The following RCL1 variants were observed in gnomAD, a reference collection of about 807,000 sequenced individuals.
RCL1 encodes RNA terminal phosphate cyclase like 1.
In RCL1, 24 loss-of-function variants were observed where a neutral mutation model predicts 42.4. The observed-to-expected ratio is 0.57, with a 90% CI of 0.41 to 0.80. RCL1 has a LOEUF of 0.80. Among genes scored for constraint, RCL1 ranks in the 30% least tolerant of loss-of-function variants. The pLI is 0.00. For synonymous variants in RCL1, 228 were observed against 177.3 expected (o/e 1.29, Z -2.27); for missense variants, 578 against 467.9 (o/e 1.24, Z -2.17).
intron 3 of RCL1, among the ~76,000 whole-genome samples, chr9:4,828,545 TG>T (rs1405861372): frequency 1.0e-4 from 7 of 68,278 alleles, no homozygotes; most frequent in East Asian, 4.0e-3. Flanking sequence ...TTTAATTAAG[TG>T]TTTTTTTTTT....
In RCL1 at chr9:4,823,893, A is replaced by G. The variant is rs546256727; in HGVS notation, c.208+274A>G. 5.0e-5 allele frequency among the ~76,000 whole-genome samples: 7 copies of G among 141,020 alleles called. No homozygotes were observed. The South Asian group carries it at 1.6e-3, about 32-fold the overall frequency. The allele number at this position is 141,020 out of a possible 152,430, so 92.5% of individuals were successfully genotyped here. A position where few individuals can be genotyped will look rare whatever the true frequency, so the allele number is the denominator to read the frequency against. ...TGTGAGTGTAGATCATAATAAAAGCATATCATTCTAGATCATTTTAAAAAA... is the reference window on the plus strand; with the variant it reads ...TGTGAGTGTAGATCATAATAAAAGCGTATCATTCTAGATCATTTTAAAAAA... On this transcript the variant is annotated intron_variant, in intron 2 of 8. Coordinates refer to ENST00000381750, the MANE Select transcript of RCL1 (RefSeq NM_005772.5).
chr9:4,813,095 A>C (rs972430810), intron 1 of RCL1, among the ~76,000 whole-genome samples: 1 of 152,084 alleles, frequency 6.6e-6, no homozygotes, highest in Non-Finnish European at 1.5e-5. Context: ...CTAGGATAGG[A>C]CTTCCAGTAC....
In RCL1 at chr9:4,849,464, G is replaced by T. The variant is rs113347415; in HGVS notation, c.885G>T (p.Ser295=). The change falls in exon 8 of 9, where the codon TCG becomes TCT. Residue 295 remains serine, a synonymous_variant. Coordinates refer to ENST00000381750, the MANE Select transcript of RCL1 (RefSeq NM_005772.5). ...EEIYRGGCVD[S]TNQSLALLLM... is the part of the protein sequence containing the mutation. Reference sequence around the variant, plus strand: ...GTTTACAGGGTGGATGCGTAGACTCGACCAACCAAAGCCTGGCGCTACTAC... The same window carrying T: ...GTTTACAGGGTGGATGCGTAGACTCTACCAACCAAAGCCTGGCGCTACTAC... 1.9e-5 allele frequency: 30 copies of T among 1,613,582 alleles called. No homozygotes were observed. The highest frequency in any genetic ancestry group is 2.3e-5 in the Non-Finnish European group (27 of 1,179,850).
chr9:4,850,838 GC>G (rs1230594788), intron 8 of RCL1, among the ~76,000 whole-genome samples: 3 of 152,036 alleles, frequency 2.0e-5, no homozygotes, highest in Non-Finnish European at 4.4e-5. Flanking sequence ...GGCCACTGTG[GC>G]CCCACCGGCT....
At chr9:4,858,997 G>A (rs4742051) in intron 8 of RCL1, among the ~76,000 whole-genome samples, 81,006 of 151,990 alleles carry the variant, frequency 0.53, 22,248 homozygotes, top group East Asian at 0.76. Flanking sequence ...TGTGTGGACT[G>A]TGATTCTGGG....
intron 1 of RCL1, among the ~76,000 whole-genome samples, chr9:4,821,433 G>T (rs569795181): frequency 6.6e-6 from 1 of 152,122 alleles, no homozygotes; most frequent in Non-Finnish European, 1.5e-5. Context: ...TTGTAAAATG[G>T]CATCTTAATC....
In RCL1 at chr9:4,850,915, A is replaced by G. The variant is rs564589603; in HGVS notation, c.971+1365A>G. On this transcript the variant is annotated intron_variant, in intron 8 of 8. Transcript: ENST00000381750. ...TCAGGCCTGGGGAAGTCCTGCTTGC[A>G]CACACGGTATGAGGTATGGGGTGTT... Among the ~76,000 whole-genome samples, 4 of 152,204 alleles carry G rather than the reference A, an allele frequency of 2.6e-5. No individual in the cohort carries two copies. The East Asian group carries it at 7.7e-4, about 29-fold the overall frequency.
chr9:4,821,432 G>T (rs1352722566), intron 1 of RCL1, among the ~76,000 whole-genome samples: 1 of 152,116 alleles, frequency 6.6e-6, no homozygotes, highest in Non-Finnish European at 1.5e-5. Flanking sequence ...TTTGTAAAAT[G>T]GCATCTTAAT....
At chr9:4,846,955 G>A (rs2129692811) in intron 7 of RCL1, among the ~76,000 whole-genome samples, 1 of 149,148 alleles carries the variant, frequency 6.7e-6, no homozygotes, top group Non-Finnish European at 1.5e-5. Context: ...ACGTGATCTT[G>A]GCTCACTGCA....
At chr9:4,834,090 A>G in intron 4 of RCL1, 51 bp from the exon 5 acceptor site, 5 of 1,588,736 alleles carry the variant, frequency 3.1e-6, no homozygotes, top group Non-Finnish European at 4.3e-6. Context: ...GTGTCAGGGT[A>G]ATCCATTGCT....
intron 8 of RCL1, among the ~76,000 whole-genome samples, chr9:4,858,153 G>A (rs548532346): frequency 2.0e-4 from 31 of 151,922 alleles, no homozygotes; most frequent in Non-Finnish European, 4.1e-4. Flanking sequence ...TGGGATTACA[G>A]GTGTGAGGTA....
chr9:4,859,155 C>A (rs1378574886), intron 8 of RCL1, among the ~76,000 whole-genome samples: 2 of 152,234 alleles, frequency 1.3e-5, no homozygotes, highest in Non-Finnish European at 2.9e-5. Context: ...GAAGCCTGTG[C>A]ACCTGCACTG....
At chr9:4,833,913 G>A (rs914233618) in intron 4 of RCL1, among the ~76,000 whole-genome samples, 2 of 152,252 alleles carry the variant, frequency 1.3e-5, no homozygotes, top group Non-Finnish European at 2.9e-5. Context: ...AAAGAGATGA[G>A]TGGCAGAGCC....
intron 1 of RCL1, among the ~76,000 whole-genome samples, chr9:4,799,908 A>C (rs1300116529): frequency 6.6e-6 from 1 of 152,174 alleles, no homozygotes; most frequent in Non-Finnish European, 1.5e-5. Flanking sequence ...AGGCATGGTG[A>C]CTATCATCAA....
chr9:4,793,414 C>T (rs1360124076), intron 1 of RCL1, among the ~76,000 whole-genome samples, 187 bp downstream of exon 1: 1 of 152,016 alleles, frequency 6.6e-6, no homozygotes, highest in African/African-American at 2.4e-5. Context: ...GGTCGGGGCC[C>T]GAGGGGAGCG....
At chr9:4,809,611 A>G (rs1816101366) in intron 1 of RCL1, among the ~76,000 whole-genome samples, 1 of 152,052 alleles carries the variant, frequency 6.6e-6, no homozygotes, top group African/African-American at 2.4e-5. Context: ...CCCGGCCAAG[A>G]CTATGCTTTT....
chr9:4,839,767 A>G, intron 5 of RCL1: 1 of 968,652 alleles, frequency 1.0e-6, no homozygotes, highest in Non-Finnish European at 1.2e-6. Context: ...GAGAGTTGGG[A>G]GGGATTACAG....
intron 2 of RCL1, 82 bp from the exon 3 acceptor site, chr9:4,826,776 C>A: frequency 7.9e-7 from 1 of 1,260,498 alleles, no homozygotes; most frequent in Non-Finnish European, 1.1e-6. Flanking sequence ...AGGCTTTCCC[C>A]TTGGAACTCA....
chr9:4,812,100 C>T (rs912038213), intron 1 of RCL1, among the ~76,000 whole-genome samples: 1 of 152,122 alleles, frequency 6.6e-6, no homozygotes, highest in Non-Finnish European at 1.5e-5. Flanking sequence ...TTATTAATCC[C>T]TTGTTGGATG....
Sources: allele counts gnomAD v4.1 joint callset (sites outside exome capture counted in the v4.1 genomes callset), GRCh38; gene constraint gnomAD v4.1.1; transcripts MANE v1.5; gene names NCBI Gene and HGNC (gene_info 2026-07-23, HGNC 2026-07-21).